Variants in PTGER4 observed in about 807,000 individuals in gnomAD.
PTGER4 encodes prostaglandin E2 receptor EP4 subtype.
PTGER4 carries 11 observed loss-of-function variants against 33.2 expected under a neutral mutation model. The ratio of observed to expected loss-of-function variants is 0.33; its 90% CI spans 0.21 to 0.55. The LOEUF (loss-of-function observed/expected upper bound fraction) is 0.55, where lower values mean the gene tolerates loss of function less well. Among genes scored for constraint, PTGER4 ranks in the 20% least tolerant of loss-of-function variants. PTGER4 has a pLI of 0.92. For synonymous variants in PTGER4, 275 were observed against 281.5 expected, an observed-to-expected ratio of 0.98 and a Z score of 0.23; for missense variants, 481 against 650.2, an observed-to-expected ratio of 0.74 and a Z score of 2.83.
the PTGER4 span, among the ~76,000 whole-genome samples, chr5:40,725,804 T>TG: frequency 1.3e-4 from 18 of 143,996 alleles, no homozygotes; most frequent in African/African-American, 4.5e-4. Flanking sequence ...TTTTTTTTTT[T>TG]GAGACAGGTC....
At chr5:40,696,736 C>A (rs963480073), downstream of PTGER4, 1 of 965,210 alleles carries the variant, frequency 1.0e-6, no homozygotes, top group African/African-American at 1.8e-5. Context: ...ACCACAGCAA[C>A]TCTACACACT....
chr5:40,700,197 CA>C, the PTGER4 span, among the ~76,000 whole-genome samples: 1 of 152,142 alleles, frequency 6.6e-6, no homozygotes, highest in African/African-American at 2.4e-5. Flanking sequence ...ATAATTGCAT[CA>C]AAAATGTGAA....
chr5:40,688,866 A>C (rs1157019866), intron 2 of PTGER4, among the ~76,000 whole-genome samples: 1 of 152,206 alleles, frequency 6.6e-6, no homozygotes, highest in African/African-American at 2.4e-5. Flanking sequence ...TGTTCATTCT[A>C]GTTCATTCTT....
chr5:40,746,677 T>C, the PTGER4 span: 1 of 744,900 alleles, frequency 1.3e-6, no homozygotes, highest in Non-Finnish European at 2.1e-6. Context: ...TTGATTAATT[T>C]AGCACCTAGA....
At chr5:40,690,933 G>A (rs1388831597) in intron 2 of PTGER4, among the ~76,000 whole-genome samples, 2 of 152,134 alleles carry the variant, frequency 1.3e-5, no homozygotes, top group Non-Finnish European at 2.9e-5. Flanking sequence ...TTTGCTCTAG[G>A]GAAGATAATC....
Position 40,692,968 on chromosome 5 carries a change from G to C in PTGER4, c.*590G>C. ...GATGTTAGATATTTTTCATAAACAA[G>C]TTCGAGTCAAAGTTGAAAATTCATA... On this transcript the variant is annotated 3_prime_UTR_variant, in exon 3 of 3. Transcript: ENST00000302472. 1.0e-6 allele frequency: 1 copy of C among 952,912 alleles called. No homozygotes were observed. The highest frequency in any genetic ancestry group is 4.9e-5 in the South Asian group (1 of 20,574). 59.0% of individuals were successfully genotyped at this position (952,912 alleles called of 1,614,324 possible). A position where few individuals can be genotyped will look rare whatever the true frequency, so the allele number is the denominator to read the frequency against.
At chr5:40,722,536 G>A in the PTGER4 span, among the ~76,000 whole-genome samples, 37 of 151,406 alleles carry the variant, frequency 2.4e-4, 1 homozygote, top group East Asian at 7.3e-3. Context: ...TGGAATGTGA[G>A]GAGCGCCTCT....
the PTGER4 span, among the ~76,000 whole-genome samples, chr5:40,707,448 T>C: frequency 5.9e-5 from 9 of 152,130 alleles, no homozygotes; most frequent in Non-Finnish European, 1.5e-5. Context: ...CATTACATAA[T>C]GGTAAAGAGA....
chr5:40,718,230 C>T, the PTGER4 span, among the ~76,000 whole-genome samples: 1 of 151,310 alleles, frequency 6.6e-6, no homozygotes, highest in African/African-American at 2.4e-5. Flanking sequence ...ATGACAAAAC[C>T]CCGTCTCTAC....
chr5:40,681,722 T>C lies in PTGER4; in HGVS notation c.729T>C (p.Ala243=). Reference sequence around the variant, plus strand: ...CGGTTGCCTCCCGGGGCCACCCCGCTGCCTCCCCAGCCTTGCCGCGCCTCA... The same window carrying C: ...CGGTTGCCTCCCGGGGCCACCCCGCCGCCTCCCCAGCCTTGCCGCGCCTCA... ...AASVASRGHP[A]ASPALPRLSD... The change falls in exon 2 of 3, where the codon GCT becomes GCC. Residue 243 remains alanine (A), a synonymous_variant. Transcript: ENST00000302472. The surrounding 1 kb of genome is among the most constrained non-coding windows in gnomAD (Gnocchi z 9.8). 5.0e-6 allele frequency: 8 copies of C among 1,595,958 alleles called. No homozygotes were observed. The highest frequency in any genetic ancestry group is 6.8e-6 in the Non-Finnish European group (8 of 1,175,292).
chr5:40,728,440 G>C, the PTGER4 span: 57 of 1,613,432 alleles, frequency 3.5e-5, no homozygotes, highest in Middle Eastern at 8.2e-4. Context: ...TCTGCTGCAT[G>C]TACTGCTGGG....
At chr5:40,731,566 G>A in the PTGER4 span, among the ~76,000 whole-genome samples, 1 of 152,338 alleles carries the variant, frequency 6.6e-6, no homozygotes, top group African/African-American at 2.4e-5. Flanking sequence ...AATGAGCGCT[G>A]AGCAAACAGG....
the PTGER4 span, among the ~76,000 whole-genome samples, chr5:40,711,914 G>C: frequency 6.6e-6 from 1 of 152,126 alleles, no homozygotes; most frequent in Non-Finnish European, 1.5e-5. Context: ...TGGCTGTTCA[G>C]GTGGAGGGGA....
chr5:40,707,907 C>A, the PTGER4 span, among the ~76,000 whole-genome samples: 2 of 152,022 alleles, frequency 1.3e-5, no homozygotes, highest in African/African-American at 4.8e-5. Context: ...ACATGGAAAC[C>A]AAACAACCTG....
chr5:40,727,136 T>C, the PTGER4 span, among the ~76,000 whole-genome samples: 2 of 152,312 alleles, frequency 1.3e-5, no homozygotes, highest in Middle Eastern at 6.8e-3. Flanking sequence ...ATGATACATT[T>C]ATAAGAATGC....
chr5:40,692,687 C>T lies in PTGER4; in HGVS notation c.*309C>T. On this transcript the variant is annotated 3_prime_UTR_variant, in exon 3 of 3. Transcript: ENST00000302472. ...GGTAGAAGTTTGGCTGCTGTCATAACATCCAGAGCTTTGTCGTATTTGGCA... is the reference window on the plus strand; with the variant it reads ...GGTAGAAGTTTGGCTGCTGTCATAATATCCAGAGCTTTGTCGTATTTGGCA... 9.2e-7 allele frequency: 1 copy of T among 1,090,032 alleles called. No homozygotes were observed. The highest frequency in any genetic ancestry group is 1.1e-6 in the Non-Finnish European group (1 of 895,514). The allele number at this position is 1,090,032 out of a possible 1,614,324, so 67.5% of individuals were successfully genotyped here.
the PTGER4 span, among the ~76,000 whole-genome samples, chr5:40,734,991 C>T: frequency 6.6e-6 from 1 of 152,114 alleles, no homozygotes; most frequent in African/African-American, 2.4e-5. Context: ...ACCTGAGTGA[C>T]AAAACGTGGT....
At chr5:40,723,481 G>C in the PTGER4 span, among the ~76,000 whole-genome samples, 1 of 147,282 alleles carries the variant, frequency 6.8e-6, no homozygotes, top group African/African-American at 2.5e-5. Flanking sequence ...CAAAGCATAG[G>C]TTTAACAATT....
the PTGER4 span, among the ~76,000 whole-genome samples, chr5:40,706,881 T>A: frequency 2.0e-5 from 3 of 152,082 alleles, no homozygotes; most frequent in African/African-American, 7.3e-5. Context: ...TATTCAACAT[T>A]CTTAAAGAAA....
Sources: gnomAD v4.1 joint callset for allele counts (sites outside exome capture counted in the v4.1 genomes callset) on GRCh38, gnomAD v4.1.1 for gene constraint, Gnocchi (gnomAD v3.1) non-coding constraint, MANE v1.5 for transcripts, NCBI Gene and HGNC (gene_info 2026-07-23, HGNC 2026-07-21) for gene names.